WWOX: variants seen among roughly 807,000 people sequenced by gnomAD.
WWOX encodes WW domain-containing oxidoreductase.
A neutral mutation model predicts 46.2 loss-of-function variants in WWOX; 69 were observed. That is an observed-to-expected ratio of 1.49 (90% CI 1.23 to 1.82). The LOEUF (loss-of-function observed/expected upper bound fraction) is 1.82, where lower values mean the gene tolerates loss of function less well. Ranked by LOEUF, WWOX falls within the 40% of genes most tolerant of loss-of-function variation. The pLI is 0.00. For synonymous variants in WWOX, 359 were observed against 202.6 expected, an observed-to-expected ratio of 1.77 and a Z score of -6.56; for missense variants, 919 against 542.6, an observed-to-expected ratio of 1.69 and a Z score of -6.89.
rs143919896 is a variant in WWOX at position 78,877,484 on chromosome 16, A to C, written c.1057-334124A>C. ...GGCTTTGCTCAACTGACACTTTCTC[A>C]GTGAAGCTGTTTCTCACCACTCACT... is the stretch of plus-strand genomic sequence containing the variant. On this transcript the variant is annotated intron_variant, in intron 8 of 8. Transcript: ENST00000566780. 5.1e-3 allele frequency among the ~76,000 whole-genome samples: 770 copies of C among 152,274 alleles called. 4 individuals are homozygous for C. The highest frequency in any genetic ancestry group is 0.018 in the African/African-American group (736 of 41,546).
chr16:78,109,353 G>A (rs998010118), intron 2 of WWOX, among the ~76,000 whole-genome samples: 1 of 152,030 alleles, frequency 6.6e-6, no homozygotes, highest in African/African-American at 2.4e-5. Context: ...CTGCCCTTAA[G>A]AGGTTTAGGA....
At chr16:78,494,324 G>T (rs925374226) in intron 8 of WWOX, among the ~76,000 whole-genome samples, 1 of 152,138 alleles carries the variant, frequency 6.6e-6, no homozygotes, top group Non-Finnish European at 1.5e-5. Flanking sequence ...CCAACACAGG[G>T]ATTACAATTC....
intron 8 of WWOX, among the ~76,000 whole-genome samples, chr16:79,038,623 C>T (rs1427407173): frequency 1.3e-5 from 2 of 152,176 alleles, no homozygotes; most frequent in East Asian, 1.9e-4. Context: ...AATCTCAGCT[C>T]ACTGCAATGT....
chr16:78,987,532 A>G (rs1476521038), intron 8 of WWOX, among the ~76,000 whole-genome samples: 2 of 152,120 alleles, frequency 1.3e-5, no homozygotes, highest in Non-Finnish European at 2.9e-5. Flanking sequence ...CCATTGTTTT[A>G]GTGAGAGTTT....
chr16:78,352,710 T>C (rs546915598), intron 5 of WWOX, among the ~76,000 whole-genome samples: 1 of 152,230 alleles, frequency 6.6e-6, no homozygotes, highest in Non-Finnish European at 1.5e-5. Context: ...ATATCAGGGA[T>C]TAGTTCATGA....
At chr16:79,152,197 G>C (rs1167202550) in intron 8 of WWOX, among the ~76,000 whole-genome samples, 5 of 152,196 alleles carry the variant, frequency 3.3e-5, no homozygotes, top group Admixed American at 2.0e-4. Flanking sequence ...CGCGAGGCGA[G>C]GCCCTGAGGA....
At chr16:78,752,734 C>A (rs1000224828) in intron 8 of WWOX, among the ~76,000 whole-genome samples, 4 of 152,172 alleles carry the variant, frequency 2.6e-5, no homozygotes, top group South Asian at 2.1e-4. Flanking sequence ...AGTTTATATG[C>A]CCTGTCTTCT....
At chr16:78,726,144 T>C (rs2048830362) in intron 8 of WWOX, among the ~76,000 whole-genome samples, 2 of 126,674 alleles carry the variant, frequency 1.6e-5, no homozygotes, top group African/African-American at 2.9e-5. Flanking sequence ...TCTTTTTCTC[T>C]TTCTCTCTTT....
chr16:78,371,027 G>C (rs1400428183), intron 5 of WWOX, among the ~76,000 whole-genome samples: 4 of 111,420 alleles, frequency 3.6e-5, no homozygotes, highest in African/African-American at 1.3e-4. Context: ...ATTATCTCTT[G>C]CTGTTATCCT....
At chr16:79,179,219 G>A (rs560764670) in intron 8 of WWOX, among the ~76,000 whole-genome samples, 2 of 152,314 alleles carry the variant, frequency 1.3e-5, no homozygotes, top group African/African-American at 2.4e-5. Context: ...GTAAAACAAC[G>A]TGTCTAAATG....
intron 8 of WWOX, among the ~76,000 whole-genome samples, chr16:78,775,194 G>T (rs180756009): frequency 6.6e-6 from 1 of 152,102 alleles, no homozygotes; most frequent in African/African-American, 2.4e-5. Flanking sequence ...CCTCTCTTCT[G>T]CCTGTTCATT....
intron 8 of WWOX, among the ~76,000 whole-genome samples, chr16:78,954,655 A>G (rs1163578313): frequency 2.0e-5 from 3 of 152,188 alleles, no homozygotes; most frequent in African/African-American, 4.8e-5. Flanking sequence ...ATTTTTTGAT[A>G]TAGAAGCATA....
chr16:78,597,365 T>G (rs1363292039), intron 8 of WWOX, among the ~76,000 whole-genome samples: 2 of 152,230 alleles, frequency 1.3e-5, no homozygotes, highest in Non-Finnish European at 2.9e-5. Context: ...TTCATTCATT[T>G]GGATTCTACG....
At chr16:78,603,471 G>T (rs1567429111) in intron 8 of WWOX, among the ~76,000 whole-genome samples, 2 of 152,190 alleles carry the variant, frequency 1.3e-5, no homozygotes, top group African/African-American at 2.4e-5. Context: ...GAGGAGGACG[G>T]ATTACTTGAG....
intron 8 of WWOX, among the ~76,000 whole-genome samples, chr16:78,775,800 G>T (rs2050175842): frequency 6.6e-6 from 1 of 152,082 alleles, no homozygotes; most frequent in Non-Finnish European, 1.5e-5. Flanking sequence ...GTGGCTTTTG[G>T]CCCACTACTT....
chr16:78,858,753 A>G (rs1309138469), intron 8 of WWOX, among the ~76,000 whole-genome samples: 1 of 151,822 alleles, frequency 6.6e-6, no homozygotes, highest in Non-Finnish European at 1.5e-5. Flanking sequence ...ATCACAGCTC[A>G]CTGCAGCCTC....
At chr16:78,570,535 T>A (rs117305715) in intron 8 of WWOX, among the ~76,000 whole-genome samples, 2,723 of 152,108 alleles carry the variant, frequency 0.018, 44 homozygotes, top group Admixed American at 0.043. Flanking sequence ...GCTGGTCTCA[T>A]ATGCCTGGAC....
intron 8 of WWOX, among the ~76,000 whole-genome samples, chr16:78,666,738 C>G (rs1009785105): frequency 1.3e-5 from 2 of 152,152 alleles, no homozygotes; most frequent in Non-Finnish European, 2.9e-5. Flanking sequence ...TGCCTCTTTC[C>G]TAATGGGACT....
rs572879923 is a variant in WWOX, at chr16:78,758,650, G to C, written c.1056+325898G>C. On this transcript the variant is annotated intron_variant, in intron 8 of 8. Coordinates refer to ENST00000566780, the MANE Select transcript of WWOX (RefSeq NM_016373.4). ...TCCCGTTCTACAGCATGGAGGTTAA[G>C]AGCTCTGGCTTTGGTTCCAATCGTG... Among the ~76,000 whole-genome samples the C allele has an allele frequency of 3.3e-5, 5 of 152,262 alleles. No individual in the cohort carries two copies. The South Asian group carries it at 1.0e-3, about 32-fold the overall frequency.
Sources: allele counts gnomAD v4.1 joint callset (sites outside exome capture counted in the v4.1 genomes callset), GRCh38; gene constraint gnomAD v4.1.1; transcripts MANE v1.5; gene names NCBI Gene and HGNC (gene_info 2026-07-23, HGNC 2026-07-21).